The following FRMD4B variants were observed in gnomAD, a reference collection of about 807,000 sequenced individuals.
FRMD4B encodes FERM domain-containing protein 4B.
A neutral mutation model predicts 141.5 loss-of-function variants in FRMD4B; 74 were observed. The ratio of observed to expected loss-of-function variants is 0.52; its 90% CI spans 0.43 to 0.63. The LOEUF (loss-of-function observed/expected upper bound fraction) is 0.63. Ranked by LOEUF, FRMD4B falls within the 30% of genes least tolerant of loss-of-function variation. The pLI, the probability that FRMD4B is intolerant of heterozygous loss-of-function variation, is 0.00. For missense variants in FRMD4B, 1,366 were observed against 1,253.4 expected (o/e 1.09, Z -1.36); for synonymous variants, 506 against 467.9 (o/e 1.08, Z -1.05).
At chr3:69,468,674 C>T (rs1003229816) in intron 1 of FRMD4B, among the ~76,000 whole-genome samples, 1 of 152,148 alleles carries the variant, frequency 6.6e-6, no homozygotes, top group African/African-American at 2.4e-5. Context: ...ATGTGATGCT[C>T]AGAACTGGAG....
rs1221661877 is a variant in FRMD4B, at chr3:69,287,805, C to T, written c.448G>A (p.Asp150Asn). The change falls in exon 5 of 23, where the codon GAT becomes AAT. Residue 150 changes from aspartate (D) to asparagine (N), a missense_variant. Transcript: ENST00000398540. Reference protein sequence around the residue: ...FYIESISFLKDKTTVELFFLN... With the variant: ...FYIESISFLKNKTTVELFFLN... Reference sequence around the variant, plus strand: ...AAAAACAGCTCCACGGTGGTTTTATCCTTTAAAAACGATATGCTCTCAATG... The same window carrying T: ...AAAAACAGCTCCACGGTGGTTTTATTCTTTAAAAACGATATGCTCTCAATG... The T allele has an allele frequency of 1.3e-6, 2 of 1,594,664 alleles. No individual in the cohort carries two copies. The highest frequency in any genetic ancestry group is 1.3e-5 in the African/African-American group (1 of 74,284).
At chr3:69,251,745 A>G (rs2093464719) in intron 5 of FRMD4B, among the ~76,000 whole-genome samples, 1 of 152,262 alleles carries the variant, frequency 6.6e-6, no homozygotes, top group African/African-American at 2.4e-5. Context: ...TTGATTGCAG[A>G]AATCAACTGC....
upstream of FRMD4B, among the ~76,000 whole-genome samples, chr3:69,386,873 A>G (rs189942590): frequency 1.2e-3 from 182 of 152,280 alleles, no homozygotes; most frequent in African/African-American, 3.9e-3. Flanking sequence ...AGTGCTGGGA[A>G]ACAGAAGCCC....
At chr3:69,309,019 T>A (rs1038079170) in intron 3 of FRMD4B, among the ~76,000 whole-genome samples, 3 of 152,238 alleles carry the variant, frequency 2.0e-5, no homozygotes, top group Non-Finnish European at 4.4e-5. Flanking sequence ...GACTATAGCA[T>A]TGCAATATGA....
At chr3:69,472,341 A>T in intron 1 of FRMD4B, 1 of 480,488 alleles carries the variant, frequency 2.1e-6, no homozygotes, top group South Asian at 1.6e-5. Flanking sequence ...ACTCCCTGGG[A>T]TTCTTGTTGG....
intron 11 of FRMD4B, among the ~76,000 whole-genome samples, chr3:69,199,610 G>A (rs576924952): frequency 6.6e-6 from 1 of 152,148 alleles, no homozygotes; most frequent in Non-Finnish European, 1.5e-5. Flanking sequence ...CAGTAATTGG[G>A]GGCAGAGAAG....
chr3:69,533,610 C>A (rs1400707801), intron 1 of FRMD4B, among the ~76,000 whole-genome samples: 3 of 152,204 alleles, frequency 2.0e-5, no homozygotes, highest in African/African-American at 7.2e-5. Context: ...ACATTCCATG[C>A]TGATTCTCTG....
intron 5 of FRMD4B, among the ~76,000 whole-genome samples, chr3:69,279,715 C>A (rs1322637518): frequency 3.5e-5 from 4 of 115,736 alleles, no homozygotes; most frequent in Admixed American, 2.6e-4. Context: ...TCTTCCCCTC[C>A]TCCTCCCCTC....
At chr3:69,459,441 T>C (rs1381973283) in intron 1 of FRMD4B, among the ~76,000 whole-genome samples, 1 of 152,232 alleles carries the variant, frequency 6.6e-6, no homozygotes, top group Non-Finnish European at 1.5e-5. Context: ...TATAGATATA[T>C]GTACACCTTA....
chr3:69,315,311 T>C (rs549770158), intron 1 of FRMD4B, among the ~76,000 whole-genome samples: 9 of 152,334 alleles, frequency 5.9e-5, no homozygotes, highest in Non-Finnish European at 1.2e-4. Context: ...ATCACCATCC[T>C]ATTAGTTTAA....
intron 3 of FRMD4B, chr3:69,310,579 CACA>C: frequency 3.8e-6 from 1 of 266,236 alleles, no homozygotes; most frequent in East Asian, 1.1e-4. Flanking sequence ...CACACACACA[CACA>C]GAGAGAGAGA....
intron 11 of FRMD4B, 136 bp from the exon 12 acceptor site, chr3:69,198,910 C>G: frequency 3.2e-6 from 2 of 621,970 alleles, no homozygotes; most frequent in East Asian, 5.5e-5. Flanking sequence ...GTGATTCAGC[C>G]TTTTTACAAA....
At chr3:69,379,187 A>G (rs1416977590) in intron 1 of FRMD4B, among the ~76,000 whole-genome samples, 2 of 152,196 alleles carry the variant, frequency 1.3e-5, no homozygotes, top group African/African-American at 4.8e-5. Flanking sequence ...AAATCAATCT[A>G]TGACTCCAAT....
intron 21 of FRMD4B, among the ~76,000 whole-genome samples, chr3:69,180,150 C>G (rs986463541): frequency 6.6e-6 from 1 of 150,626 alleles, no homozygotes; most frequent in Non-Finnish European, 1.5e-5. Flanking sequence ...AATCCCAACA[C>G]TTTGGGAGGC....
intron 1 of FRMD4B, among the ~76,000 whole-genome samples, chr3:69,497,556 A>G (rs1706422468): frequency 6.6e-6 from 1 of 152,130 alleles, no homozygotes; most frequent in Admixed American, 6.6e-5. Context: ...ACGAGTCTCA[A>G]TATCCTCCTT....
chr3:69,261,964 C>G (rs1273413650), intron 5 of FRMD4B, among the ~76,000 whole-genome samples: 1 of 150,180 alleles, frequency 6.7e-6, no homozygotes, highest in East Asian at 2.0e-4. Flanking sequence ...GCCACCGTGC[C>G]TGCCCTATTT....
intron 5 of FRMD4B, among the ~76,000 whole-genome samples, chr3:69,280,250 TGGG>T (rs2093638601): frequency 6.6e-6 from 1 of 152,104 alleles, no homozygotes; most frequent in Non-Finnish European, 1.5e-5. Context: ...GAAGGCAAGG[TGGG>T]CCCCTCTGCA....
chr3:69,282,053 C>T (rs1305416136), intron 5 of FRMD4B, among the ~76,000 whole-genome samples: 1 of 152,064 alleles, frequency 6.6e-6, no homozygotes, highest in African/African-American at 2.4e-5. Flanking sequence ...ATGACATACT[C>T]ATGAGGCTGA....
At chr3:69,499,334 G>A (rs780416276) in intron 1 of FRMD4B, among the ~76,000 whole-genome samples, 1 of 152,130 alleles carries the variant, frequency 6.6e-6, no homozygotes, top group South Asian at 2.1e-4. Flanking sequence ...GGTCCTGTGT[G>A]GACAGTGGAT....
Sources: allele counts gnomAD v4.1 joint callset (sites outside exome capture counted in the v4.1 genomes callset), GRCh38; gene constraint gnomAD v4.1.1; transcripts MANE v1.5; gene names NCBI Gene and HGNC (gene_info 2026-07-23, HGNC 2026-07-21).